STT3B: variants seen among roughly 807,000 people sequenced by gnomAD.
The protein encoded by STT3B is dolichyl-diphosphooligosaccharide--protein glycosyltransferase subunit STT3B.
Under a neutral mutation model 96.8 loss-of-function variants are expected in STT3B, and 29 were observed. That is an observed-to-expected ratio of 0.30 (90% CI 0.22 to 0.41). The LOEUF (loss-of-function observed/expected upper bound fraction) is 0.41. Ranked by LOEUF, STT3B falls within the 10% of genes least tolerant of loss-of-function variation. STT3B has a pLI of 1.00. For missense variants in STT3B, 640 were observed against 1,022.3 expected (o/e 0.63, Z 5.10); for synonymous variants, 367 against 360.0 (o/e 1.02, Z -0.22).
intron 2 of STT3B, among the ~76,000 whole-genome samples, chr3:31,579,477 TAAAAAAAAAAA>T (rs1173591549): frequency 8.9e-5 from 6 of 67,446 alleles, no homozygotes; most frequent in Admixed American, 4.0e-4. Context: ...CCTGTTTTGA[TAAAAAAAAAAA>T]AAAAAAAAAA....
chr3:31,627,300 G>T (rs1439646998), intron 13 of STT3B, among the ~76,000 whole-genome samples: 1 of 152,172 alleles, frequency 6.6e-6, no homozygotes, highest in South Asian at 2.1e-4. Context: ...GCATGCAGGG[G>T]ATCTAGGTTG....
intron 4 of STT3B, among the ~76,000 whole-genome samples, chr3:31,597,834 A>G (rs1698825844): frequency 9.2e-6 from 1 of 108,156 alleles, no homozygotes; most frequent in African/African-American, 2.6e-5. Context: ...TTTCATTATT[A>G]TTATTATTAT....
At chr3:31,607,667 T>A (rs1007858656) in intron 5 of STT3B, among the ~76,000 whole-genome samples, 1 of 152,220 alleles carries the variant, frequency 6.6e-6, no homozygotes, top group Non-Finnish European at 1.5e-5. Flanking sequence ...TATAATTGAA[T>A]AAATGTATAT....
intron 1 of STT3B, among the ~76,000 whole-genome samples, chr3:31,545,136 T>C (rs1367484938): frequency 6.6e-6 from 1 of 152,200 alleles, no homozygotes; most frequent in African/African-American, 2.4e-5. Flanking sequence ...GAAATAAATC[T>C]AATCTTAAAA....
chr3:31,546,111 T>C (rs1189847745), intron 1 of STT3B, among the ~76,000 whole-genome samples: 1 of 152,184 alleles, frequency 6.6e-6, no homozygotes, highest in Admixed American at 6.5e-5. Flanking sequence ...CTGATGCATA[T>C]GTGTGGATGT....
Position 31,593,720 on chromosome 3 carries a change from CT to C in STT3B, c.712-3076del, listed in dbSNP as rs1698720506. Among the ~76,000 whole-genome samples, 12 of 152,138 alleles carry C rather than the reference CT, an allele frequency of 7.9e-5. No homozygotes were observed. In the South Asian group the frequency reaches 2.5e-3, roughly 32 times the overall value. On this transcript the variant is annotated intron_variant, in intron 3 of 15. Transcript: ENST00000295770. ...TCAGCTCTAAAATTTCTAGTTCATTCTTATTTCTCACATGTATAGGAGAATA... is the reference window on the plus strand; with the variant it reads ...TCAGCTCTAAAATTTCTAGTTCATTCTATTTCTCACATGTATAGGAGAATA...
intron 1 of STT3B, 64 bp downstream of exon 1, chr3:31,533,376 C>T: frequency 7.1e-7 from 1 of 1,404,278 alleles, no homozygotes; most frequent in Non-Finnish European, 9.3e-7. Context: ...GCTCCTCCGC[C>T]CGCCGCAGCT....
chr3:31,544,216 A>C (rs1328461802), intron 1 of STT3B, among the ~76,000 whole-genome samples: 1 of 152,214 alleles, frequency 6.6e-6, no homozygotes, highest in Non-Finnish European at 1.5e-5. Flanking sequence ...CAAATTAAGC[A>C]ACACTTTAGG....
intron 1 of STT3B, among the ~76,000 whole-genome samples, chr3:31,571,244 G>C (rs1698128147): frequency 6.6e-6 from 1 of 151,242 alleles, no homozygotes; most frequent in African/African-American, 2.4e-5. Flanking sequence ...GTCTTAAGGG[G>C]GGAAAAGGGA....
intron 5 of STT3B, among the ~76,000 whole-genome samples, chr3:31,613,066 G>A (rs1479656231): frequency 6.6e-6 from 1 of 152,154 alleles, no homozygotes; most frequent in Non-Finnish European, 1.5e-5. Context: ...ACAGAATGTG[G>A]AGTAGTAAGA....
chr3:31,535,028 C>T (rs1022523915), intron 1 of STT3B, among the ~76,000 whole-genome samples: 27 of 152,230 alleles, frequency 1.8e-4, no homozygotes, highest in Non-Finnish European at 3.7e-4. Context: ...AGAAAGTTCT[C>T]TTTTCAGATT....
chr3:31,562,851 G>C (rs1439860536), intron 1 of STT3B, among the ~76,000 whole-genome samples: 9 of 152,204 alleles, frequency 5.9e-5, no homozygotes, highest in African/African-American at 1.9e-4. Context: ...CCATGTTGTA[G>C]CTGCTTAGGT....
rs941831536 is a variant in STT3B at position 31,533,148 on chromosome 3, G to A, written c.150G>A (p.Pro50=). ...ACAAGGCGGCGGGCGGCGCGGCGCC[G>A]CCGAAGCCGGCCCCGGCGGGGCTGT... ...CAHKAAGGAA[P]PKPAPAGLSG... Residue 50 remains proline, a synonymous_variant, in exon 1 of 16, where the codon CCG becomes CCA. Transcript: ENST00000295770. 3 of 1,291,926 alleles carry A rather than the reference G, an allele frequency of 2.3e-6. No individual in the cohort carries two copies. The African/African-American group carries it at 4.7e-5, about 20-fold the overall frequency. The allele number at this position is 1,291,926 out of a possible 1,614,324, so 80.0% of individuals were successfully genotyped here. A position where few individuals can be genotyped will look rare whatever the true frequency, so the allele number is the denominator to read the frequency against.
chr3:31,584,665 G>C (rs1427378950), intron 3 of STT3B, among the ~76,000 whole-genome samples: 1 of 152,046 alleles, frequency 6.6e-6, no homozygotes. Flanking sequence ...AAACTGGGAG[G>C]TTATCTAGTG....
rs1250107390 is a variant in STT3B, at chr3:31,636,228, C to G, written c.*164C>G. 1 of 488,316 alleles carries G rather than the reference C, an allele frequency of 2.0e-6. No individual in the cohort carries two copies. The highest frequency in any genetic ancestry group is 2.0e-5 in the African/African-American group (1 of 49,970). The allele number at this position is 488,316 out of a possible 1,614,324, so 30.2% of individuals were successfully genotyped here. On this transcript the variant is annotated 3_prime_UTR_variant, in exon 16 of 16. Coordinates refer to ENST00000295770, the MANE Select transcript of STT3B (RefSeq NM_178862.3). ...TGCCTGATTAAAAAAATAAAATTGG[C>G]TTGTTGAGAACAGCTGTTTTCGATT... is the stretch of plus-strand genomic sequence containing the variant.
chr3:31,542,937 G>A (rs1697314470), intron 1 of STT3B, among the ~76,000 whole-genome samples: 1 of 151,922 alleles, frequency 6.6e-6, no homozygotes, highest in South Asian at 2.1e-4. Flanking sequence ...ATGGTGGTAG[G>A]CACCTGTAAT....
rs1160515247 is a variant in STT3B at position 31,623,691 on chromosome 3, A to G, written c.1557A>G (p.Lys519=). Residue 519 remains lysine (K), a synonymous_variant, in exon 11 of 16, where the codon AAA becomes AAG. Coordinates refer to ENST00000295770, the MANE Select transcript of STT3B (RefSeq NM_178862.3). ...ATCTTTAGGCAGGTAAAGTGAGGAA[A>G]CATGCAACTGAACAGGAAAAAACTG... ...NLYDKAGKVR[K]HATEQEKTEE... 1 of 1,610,658 alleles carries G rather than the reference A, an allele frequency of 6.2e-7. No individual in the cohort carries two copies. The highest frequency in any genetic ancestry group is 8.5e-7 in the Non-Finnish European group (1 of 1,177,876).
rs79995768 is a variant in STT3B, at chr3:31,550,308, A to T, written c.314+16996A>T. Among the ~76,000 whole-genome samples the T allele has an allele frequency of 7.1e-3, 1,076 of 152,298 alleles. 12 individuals are homozygous for T. The highest frequency in any genetic ancestry group is 0.024 in the African/African-American group (994 of 41,562). ...TGCAGAGTAGCTCTAAGGAGTCTTC[A>T]AGACATTTTTGCAGCCTTTAAACAA... On this transcript the variant is annotated intron_variant, in intron 1 of 15. Coordinates refer to ENST00000295770, the MANE Select transcript of STT3B (RefSeq NM_178862.3).
intron 3 of STT3B, among the ~76,000 whole-genome samples, chr3:31,590,508 T>G (rs1277374188): frequency 6.6e-6 from 1 of 152,048 alleles, no homozygotes; most frequent in Non-Finnish European, 1.5e-5. Flanking sequence ...GGTTGAATAT[T>G]CTTCGAATTC....
Sources: gnomAD v4.1 joint callset for allele counts (sites outside exome capture counted in the v4.1 genomes callset) on GRCh38, gnomAD v4.1.1 for gene constraint, MANE v1.5 for transcripts, NCBI Gene and HGNC (gene_info 2026-07-23, HGNC 2026-07-21) for gene names.